The following MRPL1 variants were observed in gnomAD, a reference collection of about 807,000 sequenced individuals.
The protein encoded by MRPL1 is mitochondrial ribosomal protein L1.
A neutral mutation model predicts 38.0 loss-of-function variants in MRPL1; 28 were observed. The observed-to-expected ratio is 0.74, with a 90% CI of 0.55 to 1.01. The LOEUF (loss-of-function observed/expected upper bound fraction) is 1.01. Ranked by LOEUF, MRPL1 falls within the 50% of genes least tolerant of loss-of-function variation. MRPL1 has a pLI of 0.00. For missense variants in MRPL1, 358 were observed against 389.8 expected (o/e 0.92, Z 0.69); for synonymous variants, 123 against 126.7 (o/e 0.97, Z 0.20).
At chr4:77,946,301 C>T (rs112057491) in intron 7 of MRPL1, among the ~76,000 whole-genome samples, 9 of 152,276 alleles carry the variant, frequency 5.9e-5, no homozygotes, top group African/African-American at 2.2e-4. Flanking sequence ...TCATGGCTCT[C>T]TTCCCTTGTT....
intron 7 of MRPL1, among the ~76,000 whole-genome samples, chr4:77,934,725 A>T (rs1466569235): frequency 1.3e-5 from 2 of 152,356 alleles, no homozygotes; most frequent in East Asian, 3.9e-4. Context: ...TGAACAGATG[A>T]TGGCATACCC....
At chr4:77,921,350 T>C (rs1041235509) in intron 7 of MRPL1, among the ~76,000 whole-genome samples, 4 of 152,142 alleles carry the variant, frequency 2.6e-5, no homozygotes. Context: ...GTACTTATGA[T>C]GGTGGAGTGT....
At chr4:77,880,456 T>C (rs1735512467) in intron 2 of MRPL1, among the ~76,000 whole-genome samples, 1 of 151,594 alleles carries the variant, frequency 6.6e-6, no homozygotes, top group Non-Finnish European at 1.5e-5. Flanking sequence ...AGGATAACTC[T>C]CCATCTCAAG....
intron 7 of MRPL1, among the ~76,000 whole-genome samples, chr4:77,949,254 CTG>C (rs1272168783): frequency 6.6e-6 from 1 of 152,118 alleles, no homozygotes; most frequent in Non-Finnish European, 1.5e-5. Flanking sequence ...AACTCATTCA[CTG>C]TATATTTACT....
At chr4:77,924,378 G>A (rs1431489322) in intron 7 of MRPL1, among the ~76,000 whole-genome samples, 1 of 152,114 alleles carries the variant, frequency 6.6e-6, no homozygotes, top group Non-Finnish European at 1.5e-5. Flanking sequence ...AAAGCAGCTT[G>A]TCCAAGAGCT....
At chr4:77,935,922 A>G (rs1347397350) in intron 7 of MRPL1, among the ~76,000 whole-genome samples, 1 of 110,082 alleles carries the variant, frequency 9.1e-6, no homozygotes, top group African/African-American at 4.3e-5. Context: ...ACAGAGCAAG[A>G]CTATGTCTCA....
intron 6 of MRPL1, among the ~76,000 whole-genome samples, chr4:77,905,731 T>C (rs1026185377): frequency 6.6e-6 from 1 of 152,166 alleles, no homozygotes; most frequent in African/African-American, 2.4e-5. Flanking sequence ...TATACAGATA[T>C]ATACATTTTT....
chr4:77,900,196 T>C (rs983618615), intron 6 of MRPL1, among the ~76,000 whole-genome samples: 2 of 152,218 alleles, frequency 1.3e-5, no homozygotes, highest in Non-Finnish European at 2.9e-5. Context: ...GCTATTCTTT[T>C]TCATGTATTT....
chr4:77,952,626 T>G lies in MRPL1; in HGVS notation c.*19T>G. The G allele has an allele frequency of 6.8e-7, 1 of 1,474,438 alleles. No homozygotes were observed. Among genetic ancestry groups the G allele is most frequent in the Non-Finnish European group, 9.5e-7 (1 of 1,057,964 alleles). 91.3% of individuals were successfully genotyped at this position (1,474,438 alleles called of 1,614,324 possible). A position where few individuals can be genotyped will look rare whatever the true frequency, so the allele number is the denominator to read the frequency against. On this transcript the variant is annotated 3_prime_UTR_variant, in exon 9 of 9. Transcript: ENST00000315567. Reference sequence around the variant, plus strand: ...TGCCTAAATGTGGTGAATTGTGAAATTACTTTCAGTGGTTTAAGAAGCAAT... The same window carrying G: ...TGCCTAAATGTGGTGAATTGTGAAAGTACTTTCAGTGGTTTAAGAAGCAAT...
chr4:77,886,274 T>G (rs775386247), intron 4 of MRPL1, among the ~76,000 whole-genome samples: 3 of 152,134 alleles, frequency 2.0e-5, no homozygotes, highest in Non-Finnish European at 4.4e-5. Context: ...CTGAAGCGAT[T>G]CTCCTGCCTC....
intron 1 of MRPL1, among the ~76,000 whole-genome samples, chr4:77,866,928 A>G (rs1470164744): frequency 1.3e-5 from 2 of 151,626 alleles, no homozygotes; most frequent in South Asian, 2.1e-4. Flanking sequence ...TTGTATTTTT[A>G]GTAGAGATGG....
Position 77,862,831 on chromosome 4 carries a change from C to T in MRPL1, c.-18C>T. 6.2e-7 allele frequency: 1 copy of T among 1,614,066 alleles called. No homozygotes were observed. The highest frequency in any genetic ancestry group is 1.1e-5 in the South Asian group (1 of 91,082). On this transcript the variant is annotated 5_prime_UTR_variant, in exon 1 of 9. Coordinates refer to ENST00000315567, the MANE Select transcript of MRPL1 (RefSeq NM_020236.4). ...AAACGTAGGAACAATTTCGTGAACG[C>T]AATCCGGAGTGCCCAACATGGCGGC...
intron 7 of MRPL1, among the ~76,000 whole-genome samples, chr4:77,915,266 ATCTT>A (rs1266446693): frequency 6.6e-6 from 1 of 152,168 alleles, no homozygotes; most frequent in Non-Finnish European, 1.5e-5. Flanking sequence ...CAGTTGAATG[ATCTT>A]TCTTAATTAT....
At chr4:77,931,083 A>G (rs911223398) in intron 7 of MRPL1, among the ~76,000 whole-genome samples, 6 of 152,266 alleles carry the variant, frequency 3.9e-5, no homozygotes, top group Non-Finnish European at 7.3e-5. Flanking sequence ...CCCACTTTGT[A>G]TAATATGTGG....
intron 7 of MRPL1, among the ~76,000 whole-genome samples, chr4:77,924,583 AT>A (rs926167500): frequency 1.4e-4 from 21 of 151,024 alleles, no homozygotes; most frequent in African/African-American, 5.1e-4. Flanking sequence ...CTTTGATTAC[AT>A]TTTTTTTCAT....
At chr4:77,869,224 G>T (rs1216228770) in intron 1 of MRPL1, among the ~76,000 whole-genome samples, 1 of 152,212 alleles carries the variant, frequency 6.6e-6, no homozygotes, top group Non-Finnish European at 1.5e-5. Context: ...GATAAGAAAG[G>T]AGAGGGAGTT....
intron 6 of MRPL1, among the ~76,000 whole-genome samples, chr4:77,908,620 A>T (rs1334884886): frequency 6.6e-6 from 1 of 152,238 alleles, no homozygotes; most frequent in Non-Finnish European, 1.5e-5. Flanking sequence ...TTATTATTGC[A>T]TATACTTAGG....
chr4:77,942,996 G>A (rs1402538800), intron 7 of MRPL1, among the ~76,000 whole-genome samples: 1 of 151,994 alleles, frequency 6.6e-6, no homozygotes, highest in Non-Finnish European at 1.5e-5. Flanking sequence ...GTTTTAAGGA[G>A]GTTCATTTTG....
intron 1 of MRPL1, among the ~76,000 whole-genome samples, chr4:77,867,775 T>A (rs1444269166): frequency 3.8e-4 from 46 of 120,230 alleles, no homozygotes; most frequent in African/African-American, 1.3e-3. Context: ...TTTTTTTTTT[T>A]AGACGGAGTC....
Sources: allele counts gnomAD v4.1 joint callset (sites outside exome capture counted in the v4.1 genomes callset), GRCh38; gene constraint gnomAD v4.1.1; transcripts MANE v1.5; gene names NCBI Gene and HGNC (gene_info 2026-07-23, HGNC 2026-07-21).